The following OGDH variants were observed in gnomAD, a reference collection of about 807,000 sequenced individuals.
OGDH encodes the protein oxoglutarate dehydrogenase.
OGDH carries 38 observed loss-of-function variants against 116.6 expected under a neutral mutation model. The ratio of observed to expected loss-of-function variants is 0.33; its 90% CI spans 0.25 to 0.43. The LOEUF (loss-of-function observed/expected upper bound fraction) is 0.43. Among genes scored for constraint, OGDH ranks in the 20% least tolerant of loss-of-function variants. The pLI, the probability that OGDH is intolerant of heterozygous loss-of-function variation, is 1.00. For missense variants in OGDH, 825 were observed against 1,357.2 expected (o/e 0.61, Z 6.16); for synonymous variants, 488 against 533.3 (o/e 0.92, Z 1.17).
At chr7:44,666,243 T>A (rs551136295) in intron 4 of OGDH, among the ~76,000 whole-genome samples, 2 of 152,138 alleles carry the variant, frequency 1.3e-5, no homozygotes, top group Admixed American at 6.6e-5. Context: ...CACTTCTTAG[T>A]CCCCCTCCTC....
intron 2 of OGDH, among the ~76,000 whole-genome samples, chr7:44,640,164 G>A (rs1288070289): frequency 6.6e-6 from 1 of 152,168 alleles, no homozygotes; most frequent in African/African-American, 2.4e-5. Context: ...TCATTTTATT[G>A]TTGAGCCCAG....
intron 4 of OGDH, among the ~76,000 whole-genome samples, chr7:44,661,567 A>G (rs919012712): frequency 7.2e-5 from 11 of 151,732 alleles, no homozygotes; most frequent in African/African-American, 2.4e-4. Context: ...ACCCACATTT[A>G]AAAATTTTTT....
rs1244355700 is a variant in OGDH, at chr7:44,673,956, C to T, written c.788+15C>T. The T allele has an allele frequency of 6.2e-7, 1 of 1,613,956 alleles. No homozygotes were observed. Among genetic ancestry groups the T allele is most frequent in the Non-Finnish European group, 8.5e-7 (1 of 1,179,870 alleles). ...CGGTCCACCAGGTATGGGTCTGGCC[C>T]TGGGCCATGGGGCAGACATTCCCAG... On this transcript the variant is annotated intron_variant, in intron 6 of 22. Coordinates refer to ENST00000222673, the MANE Select transcript of OGDH (RefSeq NM_002541.4).
intron 20 of OGDH, among the ~76,000 whole-genome samples, chr7:44,703,958 A>T (rs550134247): frequency 6.6e-6 from 1 of 152,180 alleles, no homozygotes; most frequent in East Asian, 1.9e-4. Context: ...TCATCTGTCG[A>T]TGGACACTTG....
At chr7:44,698,351 A>T in intron 18 of OGDH, 88 bp downstream of exon 18, 1 of 1,359,920 alleles carries the variant, frequency 7.4e-7, no homozygotes, top group South Asian at 1.2e-5. Flanking sequence ...GTCATCCTGA[A>T]GTGGCAGACC....
intron 9 of OGDH, among the ~76,000 whole-genome samples, chr7:44,677,346 A>AG (rs1162093602): frequency 6.6e-6 from 1 of 152,172 alleles, no homozygotes. Flanking sequence ...AGAGGTGTGC[A>AG]GGGGTGTGGG....
chr7:44,621,603 G>A (rs1785011496), intron 1 of OGDH, among the ~76,000 whole-genome samples: 1 of 152,158 alleles, frequency 6.6e-6, no homozygotes, highest in Admixed American at 6.6e-5. Context: ...GCTGGGTGTG[G>A]TGGCTCACGC....
chr7:44,613,802 CT>C (rs11397029), intron 1 of OGDH, among the ~76,000 whole-genome samples: 38 of 106,376 alleles, frequency 3.6e-4, no homozygotes, highest in South Asian at 6.7e-4. Context: ...AGCCACCTGG[CT>C]TTTTTTTTTT....
At chr7:44,695,440 C>T (rs1452310092) in intron 12 of OGDH, among the ~76,000 whole-genome samples, 1 of 152,138 alleles carries the variant, frequency 6.6e-6, no homozygotes, top group Non-Finnish European at 1.5e-5. Flanking sequence ...GGCGTGGTGG[C>T]TCATGCCTGT....
chr7:44,613,276 T>C (rs1562607193), intron 1 of OGDH, among the ~76,000 whole-genome samples: 2 of 151,470 alleles, frequency 1.3e-5, no homozygotes, highest in Non-Finnish European at 2.9e-5. Context: ...CCCAGATTCA[T>C]GTTATTCTCT....
intron 2 of OGDH, among the ~76,000 whole-genome samples, chr7:44,639,422 G>C (rs1229881297): frequency 6.6e-6 from 1 of 152,186 alleles, no homozygotes. Context: ...TCTGGTACTT[G>C]GGCAGGTCTG....
At chr7:44,701,035 A>G (rs923374080) in intron 19 of OGDH, among the ~76,000 whole-genome samples, 1 of 152,170 alleles carries the variant, frequency 6.6e-6, no homozygotes, top group Non-Finnish European at 1.5e-5. Context: ...AAAAACAAAA[A>G]AAAGGAAGGA....
chr7:44,641,317 C>T (rs1344863849), intron 2 of OGDH, among the ~76,000 whole-genome samples: 2 of 150,700 alleles, frequency 1.3e-5, no homozygotes, highest in Admixed American at 1.3e-4. Flanking sequence ...CCTCTGCCTC[C>T]CAGGTTCAAG....
Position 44,673,884 on chromosome 7 carries a change from T to A in OGDH, c.731T>A (p.Met244Lys). Residue 244 changes from methionine (M) to lysine (K), a missense_variant, in exon 6 of 23, where the codon ATG (methionine) becomes AAG (lysine). This residue lies in a region of OGDH where 171 missense variants were observed against 276.8 expected (regional missense o/e 0.62). Coordinates refer to ENST00000222673, the MANE Select transcript of OGDH (RefSeq NM_002541.4). ...IRQKFETPGI[M>K]QFTNEEKRTL... The stretch of plus-strand genomic sequence containing the variant: ...CAGAAGTTTGAGACCCCTGGGATCA[T>A]GCAGTTCACAAATGAGGAGAAACGG... The A allele has an allele frequency of 1.2e-6, 2 of 1,614,196 alleles. No homozygotes were observed. Among genetic ancestry groups the A allele is most frequent in the Non-Finnish European group, 1.7e-6 (2 of 1,180,022 alleles).
chr7:44,625,361 G>A (rs1273595090), intron 2 of OGDH, among the ~76,000 whole-genome samples: 2 of 152,160 alleles, frequency 1.3e-5, no homozygotes, highest in Non-Finnish European at 2.9e-5. Flanking sequence ...CTGGCCTCAA[G>A]TGATCCACCC....
At position 44,676,138 on chromosome 7, in the gene OGDH, G is replaced by GCCC; in HGVS notation, c.1195_1196insCCC (p.Glu399delinsAlaGln). On this transcript the variant is annotated protein_altering_variant, in exon 9 of 23. Transcript: ENST00000222673. The stretch of plus-strand genomic sequence containing the variant: ...CGAACAGTTTTACTGTGGCGACACT[G>GCCC]AAGGGAAAAAGGTAAGGCCCAGAGA... The GCCC allele has an allele frequency of 6.2e-7, 1 of 1,614,104 alleles. No homozygotes were observed. Among genetic ancestry groups the GCCC allele is most frequent in the Admixed American group, 1.7e-5 (1 of 60,010 alleles).
rs561058807 is a variant in OGDH at position 44,689,392 on chromosome 7, C to CTTTTT, written c.1336-4411_1336-4407dup. Among the ~76,000 whole-genome samples the CTTTTT allele has an allele frequency of 3.9e-4, 28 of 71,264 alleles. 2 individuals carry two copies. Among genetic ancestry groups the CTTTTT allele is most frequent in the African/African-American group, 1.2e-3 (20 of 17,090 alleles). The allele number at this position is 71,264 out of a possible 152,430, so 46.8% of individuals were successfully genotyped here. A position where few individuals can be genotyped will look rare whatever the true frequency, so the allele number is the denominator to read the frequency against. On this transcript the variant is annotated intron_variant, in intron 10 of 22. Coordinates refer to ENST00000222673, the MANE Select transcript of OGDH (RefSeq NM_002541.4). The stretch of plus-strand genomic sequence containing the variant: ...CACCACTCCCAGCTAATTTTTTTTT[C>CTTTTT]TTTTTTTTTTTTTTTTTTTTTTTTT...
chr7:44,608,280 T>C (rs561739344), intron 1 of OGDH, among the ~76,000 whole-genome samples: 1 of 152,072 alleles, frequency 6.6e-6, no homozygotes, highest in Non-Finnish European at 1.5e-5. Flanking sequence ...ATACCACATA[T>C]ACTTGTAGTC....
At chr7:44,633,690 A>C (rs1785544408) in intron 2 of OGDH, among the ~76,000 whole-genome samples, 1 of 152,158 alleles carries the variant, frequency 6.6e-6, no homozygotes, top group African/African-American at 2.4e-5. Context: ...TTCCCTCTGA[A>C]ACCCTGGAGC....
Sources: allele counts gnomAD v4.1 joint callset (sites outside exome capture counted in the v4.1 genomes callset), GRCh38; gene constraint gnomAD v4.1.1; regional missense constraint gnomAD v4.1.1; transcripts MANE v1.5; gene names NCBI Gene and HGNC (gene_info 2026-07-23, HGNC 2026-07-21).